TASP1: variants seen among roughly 807,000 people sequenced by gnomAD.
TASP1 encodes taspase 1, also known as threonine aspartase 1.
TASP1 carries 16 observed loss-of-function variants against 56.6 expected under a neutral mutation model. The ratio of observed to expected loss-of-function variants is 0.28; its 90% CI spans 0.19 to 0.43. TASP1 has a LOEUF of 0.43. Among genes scored for constraint, TASP1 ranks in the 20% least tolerant of loss-of-function variants. The pLI, the probability that TASP1 is intolerant of heterozygous loss-of-function variation, is 1.00. For missense variants in TASP1, 393 were observed against 511.6 expected, an observed-to-expected ratio of 0.77 and a Z score of 2.24; for synonymous variants, 179 against 184.2, an observed-to-expected ratio of 0.97 and a Z score of 0.23.
the TASP1 span, among the ~76,000 whole-genome samples, chr20:13,155,364 G>A: frequency 6.6e-6 from 1 of 152,130 alleles, no homozygotes; most frequent in Non-Finnish European, 1.5e-5. Context: ...CTAATAGCCT[G>A]ACTAGATTGG....
rs2044013009 is a variant in TASP1 at position 13,460,418 on chromosome 20, A to AT, written c.985+22808dup. On this transcript the variant is annotated intron_variant, in intron 11 of 13. Transcript: ENST00000337743. ...TCAAGGTCTTCTTTTATCTGCATCG[A>AT]TTTTCCTGATCTCATATCATGTATC... Among the ~76,000 whole-genome samples, 4 of 151,882 alleles carry AT rather than the reference A, an allele frequency of 2.6e-5. No individual in the cohort carries two copies. The South Asian group carries it at 8.3e-4, about 32-fold the overall frequency.
the TASP1 span, chr20:13,117,461 C>T: frequency 7.3e-6 from 11 of 1,514,290 alleles, no homozygotes; most frequent in Non-Finnish European, 9.8e-6. Context: ...CAGAGCTTCC[C>T]AGGAGGGTAT....
chr20:13,435,499 G>GGATCACTTA (rs1329474698), intron 11 of TASP1, among the ~76,000 whole-genome samples: 2 of 152,090 alleles, frequency 1.3e-5, no homozygotes, highest in Non-Finnish European at 2.9e-5. Context: ...CAACTCTTAG[G>GGATCACTTA]GATCACTTAC....
the TASP1 span, among the ~76,000 whole-genome samples, chr20:13,148,398 C>T: frequency 2.6e-5 from 4 of 152,106 alleles, no homozygotes; most frequent in Admixed American, 2.0e-4. Context: ...GATAGGTACA[C>T]CCTTGATTTA....
At chr20:13,159,915 C>A in the TASP1 span, 1 of 1,430,180 alleles carries the variant, frequency 7.0e-7, no homozygotes. Context: ...AAGAAAAAAT[C>A]AATTAGCCAT....
At chr20:13,559,228 T>C (rs866033760) in intron 7 of TASP1, 114 bp from the exon 8 acceptor site, 12 of 569,308 alleles carry the variant, frequency 2.1e-5, no homozygotes, top group Middle Eastern at 4.8e-4. Context: ...GTATGTTAAA[T>C]TAAGGGTTTA....
intron 5 of TASP1, among the ~76,000 whole-genome samples, chr20:13,584,061 C>T (rs1411148265): frequency 1.3e-5 from 2 of 150,502 alleles, no homozygotes; most frequent in Non-Finnish European, 3.0e-5. Context: ...CCTCGGCCAA[C>T]ACCCAGAGCT....
At chr20:13,565,169 T>C (rs1214598620) in intron 7 of TASP1, among the ~76,000 whole-genome samples, 1 of 152,112 alleles carries the variant, frequency 6.6e-6, no homozygotes, top group Non-Finnish European at 1.5e-5. Context: ...ACAAACTGTG[T>C]TTGAAAGATT....
At chr20:13,279,646 G>A in the TASP1 span, 1 of 1,613,384 alleles carries the variant, frequency 6.2e-7, no homozygotes, top group African/African-American at 1.3e-5. Context: ...CACCATAGAG[G>A]TGGTCGACGG....
chr20:13,150,054 A>G, the TASP1 span, among the ~76,000 whole-genome samples: 1 of 152,202 alleles, frequency 6.6e-6, no homozygotes, highest in Non-Finnish European at 1.5e-5. Flanking sequence ...GACAGGCCAT[A>G]TGGAATACAT....
the TASP1 span, among the ~76,000 whole-genome samples, chr20:13,342,567 T>C: frequency 6.6e-6 from 1 of 152,158 alleles, no homozygotes; most frequent in African/African-American, 2.4e-5. Flanking sequence ...AGGCATGACC[T>C]GCCAGGTTGC....
intron 8 of TASP1, among the ~76,000 whole-genome samples, chr20:13,551,616 A>G (rs2045985023): frequency 6.6e-6 from 1 of 152,192 alleles, no homozygotes; most frequent in South Asian, 2.1e-4. Context: ...CCATGCATTC[A>G]ATCAGTTTGT....
chr20:13,243,984 G>C, the TASP1 span: 1 of 152,192 alleles, frequency 6.6e-6, no homozygotes, highest in Non-Finnish European at 1.5e-5. Context: ...CATGGTATTT[G>C]CAGAAGGGAG....
chr20:13,258,085 A>G, the TASP1 span, among the ~76,000 whole-genome samples: 1 of 152,154 alleles, frequency 6.6e-6, no homozygotes, highest in Non-Finnish European at 1.5e-5. Context: ...AACGGGTGGT[A>G]TTATAGCTGC....
chr20:13,149,594 A>G, the TASP1 span, among the ~76,000 whole-genome samples: 1 of 152,256 alleles, frequency 6.6e-6, no homozygotes, highest in Non-Finnish European at 1.5e-5. Context: ...CCTATATGAG[A>G]AAGCGTGGCA....
the TASP1 span, among the ~76,000 whole-genome samples, chr20:13,291,557 T>G: frequency 6.6e-6 from 1 of 152,156 alleles, no homozygotes; most frequent in Non-Finnish European, 1.5e-5. Context: ...CACTCCCTCC[T>G]CCTCTTATTG....
chr20:13,513,588 G>C (rs1396770232), intron 10 of TASP1, among the ~76,000 whole-genome samples: 1 of 152,154 alleles, frequency 6.6e-6, no homozygotes, highest in Non-Finnish European at 1.5e-5. Context: ...GTGCTAAGTT[G>C]TTTACATTGC....
At chr20:13,517,609 G>A (rs540759712) in intron 10 of TASP1, among the ~76,000 whole-genome samples, 24 of 151,778 alleles carry the variant, frequency 1.6e-4, no homozygotes, top group Non-Finnish European at 2.7e-4. Context: ...TCACAATCAG[G>A]AAAAAAATCT....
chr20:13,230,785 G>A, the TASP1 span, among the ~76,000 whole-genome samples: 1 of 151,840 alleles, frequency 6.6e-6, no homozygotes. Flanking sequence ...ACCTCACTTT[G>A]CATTTTATTT....
Sources: allele counts gnomAD v4.1 joint callset (sites outside exome capture counted in the v4.1 genomes callset), GRCh38; gene constraint gnomAD v4.1.1; transcripts MANE v1.5; gene names NCBI Gene and HGNC (gene_info 2026-07-23, HGNC 2026-07-21).